The following FGD6 variants were observed in gnomAD, a reference collection of about 807,000 sequenced individuals.
FGD6 encodes the protein FYVE, RhoGEF and PH domain containing 6, also known as FYVE, RhoGEF and PH domain-containing protein 6.
In FGD6, 90 loss-of-function variants were observed where a neutral mutation model predicts 149.4. The observed-to-expected ratio is 0.60, with a 90% CI of 0.51 to 0.72. The LOEUF is 0.72. FGD6 is among the 30% of genes least tolerant of loss of function. The pLI is 0.00. For synonymous variants in FGD6, 527 were observed against 584.0 expected (o/e 0.90, Z 1.41); for missense variants, 1,437 against 1,684.8 (o/e 0.85, Z 2.57).
chr12:95,078,979 TACTTA>T lies in FGD6; in HGVS notation c.*2536_*2540del, dbSNP rs1449052114. Reference sequence around the variant, plus strand: ...TATAGTATCCTTGGAATCTAGATACTACTTAACTTTTCTCCCCATTTATAGACTGT... The same window carrying T: ...TATAGTATCCTTGGAATCTAGATACTACTTTTCTCCCCATTTATAGACTGT... On this transcript the variant is annotated 3_prime_UTR_variant, in exon 21 of 21. Coordinates refer to ENST00000343958, the MANE Select transcript of FGD6 (RefSeq NM_018351.4). The T allele has an allele frequency of 1.3e-5, 2 of 152,234 alleles. No homozygotes were observed. The highest frequency in any genetic ancestry group is 6.5e-5 in the Admixed American group (1 of 15,278). 9.4% of individuals were successfully genotyped at this position (152,234 alleles called of 1,614,324 possible). A position where few individuals can be genotyped will look rare whatever the true frequency, so the allele number is the denominator to read the frequency against.
intron 2 of FGD6, among the ~76,000 whole-genome samples, chr12:95,186,409 T>C (rs1335995956): frequency 6.6e-6 from 1 of 150,976 alleles, no homozygotes; most frequent in Non-Finnish European, 1.5e-5. Context: ...TCTTGGCCAG[T>C]CTGATCTTGA....
intron 2 of FGD6, among the ~76,000 whole-genome samples, chr12:95,207,653 T>C (rs1474099351): frequency 6.6e-6 from 1 of 152,216 alleles, no homozygotes; most frequent in Non-Finnish European, 1.5e-5. Flanking sequence ...CAACATCTAC[T>C]GATTCTACTA....
chr12:95,139,472 ATT>A (rs548647247), intron 6 of FGD6, among the ~76,000 whole-genome samples: 1 of 143,176 alleles, frequency 7.0e-6, no homozygotes. Flanking sequence ...ATAAGCCCCA[ATT>A]TTTTTTTTTT....
chr12:95,101,792 C>T (rs1878446746), intron 14 of FGD6, among the ~76,000 whole-genome samples: 1 of 147,596 alleles, frequency 6.8e-6, no homozygotes, highest in Admixed American at 6.9e-5. Flanking sequence ...AAGCAATTCT[C>T]CTGCCTCAGT....
At chr12:95,198,955 A>G (rs1458252187) in intron 2 of FGD6, among the ~76,000 whole-genome samples, 2 of 149,990 alleles carry the variant, frequency 1.3e-5, no homozygotes, top group Non-Finnish European at 3.0e-5. Flanking sequence ...TGCTGAAATC[A>G]CCATTTTAAA....
chr12:95,139,620 G>A (rs1357860940), intron 6 of FGD6, among the ~76,000 whole-genome samples: 1 of 151,316 alleles, frequency 6.6e-6, no homozygotes, highest in Non-Finnish European at 1.5e-5. Flanking sequence ...AAAGGTGTGA[G>A]CCACAGCGCC....
At chr12:95,127,461 T>A (rs531665744) in intron 8 of FGD6, among the ~76,000 whole-genome samples, 1 of 152,208 alleles carries the variant, frequency 6.6e-6, no homozygotes, top group Non-Finnish European at 1.5e-5. Context: ...GAAGAATCAC[T>A]TGAACCCAGG....
intron 2 of FGD6, among the ~76,000 whole-genome samples, chr12:95,202,707 T>C (rs2056669685): frequency 6.6e-6 from 1 of 152,066 alleles, no homozygotes; most frequent in South Asian, 2.1e-4. Context: ...AATTCCTTAT[T>C]AAAAGGAAAA....
intron 6 of FGD6, among the ~76,000 whole-genome samples, chr12:95,138,243 A>G (rs1412243912): frequency 6.7e-6 from 1 of 149,338 alleles, no homozygotes; most frequent in Non-Finnish European, 1.5e-5. Context: ...TAAATAAATA[A>G]ATAACTCACT....
intron 19 of FGD6, among the ~76,000 whole-genome samples, chr12:95,084,898 T>G (rs1592822857): frequency 6.6e-6 from 1 of 152,300 alleles, no homozygotes; most frequent in East Asian, 1.9e-4. Flanking sequence ...TTTCACAACA[T>G]CCTCACTAAA....
intron 8 of FGD6, 151 bp from the exon 9 acceptor site, chr12:95,113,852 C>G (rs1878918568): frequency 2.0e-6 from 1 of 505,956 alleles, no homozygotes; most frequent in Admixed American, 4.0e-5. Flanking sequence ...AAAAATAAAG[C>G]CCTGAGATCA....
At chr12:95,089,818 TA>T in intron 17 of FGD6, 122 bp from the exon 18 acceptor site, 1 of 1,275,126 alleles carries the variant, frequency 7.8e-7, no homozygotes, top group Middle Eastern at 1.9e-4. Flanking sequence ...ACAACATTGA[TA>T]ACTCCTGGAA....
rs1877563288 is a variant in FGD6, at chr12:95,078,376, T to G, written c.*3144A>C. Reference sequence around the variant, plus strand: ...GCACACTCCAAAACATACCAACATATGCTGTGATATAACATTTACATTTTA... The same window carrying G: ...GCACACTCCAAAACATACCAACATAGGCTGTGATATAACATTTACATTTTA... On this transcript the variant is annotated 3_prime_UTR_variant, in exon 21 of 21. Coordinates refer to ENST00000343958, the MANE Select transcript of FGD6 (RefSeq NM_018351.4). 1 of 152,208 alleles carries G rather than the reference T, an allele frequency of 6.6e-6. No individual in the cohort carries two copies. The highest frequency in any genetic ancestry group is 2.1e-4 in the South Asian group (1 of 4,838). The allele number at this position is 152,208 out of a possible 1,614,324, so 9.4% of individuals were successfully genotyped here.
rs764855931 is a variant in FGD6 at position 95,081,968 on chromosome 12, G to A, written c.4257-412C>T. On this transcript the variant is annotated intron_variant, in intron 20 of 20. Transcript: ENST00000343958. ...ATTACAGGCGTGAGCCACCGTGACC[G>A]GCCAGTAAGATCTTTTCTTGCAGCA... Among the ~76,000 whole-genome samples, 16 of 152,094 alleles carry A rather than the reference G, an allele frequency of 1.1e-4. 1 individual carries two copies. The highest frequency in any genetic ancestry group is 3.6e-4 in the African/African-American group (15 of 41,494).
rs191951674 is a variant in FGD6 at position 95,193,841 on chromosome 12, T to C, written c.2441+15002A>G. Among the ~76,000 whole-genome samples the C allele has an allele frequency of 3.2e-4, 49 of 152,224 alleles. 1 individual carries two copies. Among genetic ancestry groups the C allele is most frequent in the Non-Finnish European group, 6.2e-4 (42 of 68,004 alleles). On this transcript the variant is annotated intron_variant, in intron 2 of 20. Coordinates refer to ENST00000343958, the MANE Select transcript of FGD6 (RefSeq NM_018351.4). ...ACCATGCCTGGCCCATGCTGAATTT[T>C]TTTAAAATGCCAATTCCAAAAGGCC...
intron 2 of FGD6, among the ~76,000 whole-genome samples, chr12:95,178,126 C>G (rs1416223950): frequency 6.6e-6 from 1 of 152,062 alleles, no homozygotes; most frequent in Non-Finnish European, 1.5e-5. Flanking sequence ...CACAGCAATT[C>G]TAGAATTTTC....
chr12:95,113,589 C>T, intron 9 of FGD6, 62 bp downstream of exon 9: 1 of 1,252,768 alleles, frequency 8.0e-7, no homozygotes, highest in Non-Finnish European at 1.1e-6. Flanking sequence ...TATATTTTTA[C>T]TTTCTAGCCC....
chr12:95,184,146 G>A (rs1240665771), intron 2 of FGD6, among the ~76,000 whole-genome samples: 36 of 152,116 alleles, frequency 2.4e-4, no homozygotes, highest in Non-Finnish European at 2.9e-5. Context: ...AAAGGGTAGG[G>A]GAATTACAAG....
intron 13 of FGD6, among the ~76,000 whole-genome samples, chr12:95,106,657 A>T (rs1878634900): frequency 6.6e-6 from 1 of 152,004 alleles, no homozygotes; most frequent in Non-Finnish European, 1.5e-5. Context: ...GCACTTTGGG[A>T]GGCCAAGGCA....
Sources: gnomAD v4.1 joint callset for allele counts (sites outside exome capture counted in the v4.1 genomes callset) on GRCh38, gnomAD v4.1.1 for gene constraint, MANE v1.5 for transcripts, NCBI Gene and HGNC (gene_info 2026-07-23, HGNC 2026-07-21) for gene names.